PCDHGA2: variants seen among roughly 807,000 people sequenced by gnomAD.
PCDHGA2 encodes protocadherin gamma subfamily A, 2.
A neutral mutation model predicts 59.2 loss-of-function variants in PCDHGA2; 40 were observed. That is an observed-to-expected ratio of 0.68 (90% CI 0.52 to 0.88). The LOEUF (loss-of-function observed/expected upper bound fraction) is 0.88. Ranked by LOEUF, PCDHGA2 falls within the 40% of genes least tolerant of loss-of-function variation. The pLI is 0.00. For synonymous variants in PCDHGA2, 560 were observed against 526.0 expected, an observed-to-expected ratio of 1.06 and a Z score of -0.89; for missense variants, 1,226 against 1,204.0, an observed-to-expected ratio of 1.02 and a Z score of -0.27.
chr5:141,352,712 G>C, intron 1 of PCDHGA2: 9 of 1,540,860 alleles, frequency 5.8e-6, no homozygotes, highest in Non-Finnish European at 7.9e-6. Context: ...TATGGCGGCC[G>C]GGCGCGGTGG....
chr5:141,370,464 T>C (rs1766931580), intron 1 of PCDHGA2: 1 of 1,613,018 alleles, frequency 6.2e-7, no homozygotes, highest in Middle Eastern at 1.7e-4. Context: ...CCTGCTCTCT[T>C]TGTTAGACCA....
intron 1 of PCDHGA2, chr5:141,350,081 A>C: frequency 2.3e-6 from 1 of 438,380 alleles, no homozygotes; most frequent in Non-Finnish European, 3.9e-6. Context: ...TCAATTCTGC[A>C]GGAGCGTCAG....
In PCDHGA2 at chr5:141,357,512, C is replaced by T. The variant is rs1211736119; in HGVS notation, c.2424+16117C>T. 1.9e-6 allele frequency: 3 copies of T among 1,614,258 alleles called. No individual in the cohort carries two copies. Among genetic ancestry groups the T allele is most frequent in the Non-Finnish European group, 2.5e-6 (3 of 1,180,052 alleles). ...TCGCGGAAGAGTCACCTGATCTTCTCCCAACCCAGCTATGCAGACACGCTC... is the reference window on the plus strand; with the variant it reads ...TCGCGGAAGAGTCACCTGATCTTCTTCCAACCCAGCTATGCAGACACGCTC... On this transcript the variant is annotated intron_variant, in intron 1 of 3. Transcript: ENST00000394576.
At position 141,424,135 on chromosome 5, in the gene PCDHGA2, G is replaced by A. The variant is rs572224199; in HGVS notation, c.2425-70672G>A. 1.1e-4 allele frequency: 47 copies of A among 431,606 alleles called. No individual in the cohort carries two copies. The South Asian group carries it at 4.6e-3, about 43-fold the overall frequency. The allele number at this position is 431,606 out of a possible 1,614,324, so 26.7% of individuals were successfully genotyped here. On this transcript the variant is annotated intron_variant, in intron 1 of 3. Coordinates refer to ENST00000394576, the MANE Select transcript of PCDHGA2 (RefSeq NM_018915.4). The stretch of plus-strand genomic sequence containing the variant: ...AAATTTTGATCCTGTTGATTTAATA[G>A]CATGCTCCCTCTAGCTCTCCTTCTC...
chr5:141,394,211 G>A, intron 1 of PCDHGA2: 1 of 1,613,888 alleles, frequency 6.2e-7, no homozygotes, highest in Non-Finnish European at 8.5e-7. Flanking sequence ...AGAACAACCT[G>A]AGAGGAGCCT....
chr5:141,340,982 A>C lies in PCDHGA2; in HGVS notation c.2011A>C (p.Ile671Leu), dbSNP rs147498000. Reference sequence around the variant, plus strand: ...GGCCGTGGCCGACAGGATCCCCGACATCCTGGCCGACCTGGGCAGCCTCGA... The same window carrying C: ...GGCCGTGGCCGACAGGATCCCCGACCTCCTGGCCGACCTGGGCAGCCTCGA... ...TVAVADRIPD[I>L]LADLGSLEPS... The change falls in exon 1 of 4, where the codon ATC becomes CTC. Residue 671 changes from isoleucine (I) to leucine (L), a missense_variant. By Grantham distance (5) the Ile-to-Leu change is conservative. Transcript: ENST00000394576. The C allele has an allele frequency of 1.1e-5, 17 of 1,613,592 alleles. No homozygotes were observed. In the African/African-American group the frequency reaches 2.1e-4, roughly 20 times the overall value.
intron 1 of PCDHGA2, chr5:141,375,345 C>T (rs749825552): frequency 5.0e-6 from 8 of 1,613,858 alleles, no homozygotes; most frequent in South Asian, 4.4e-5. Flanking sequence ...TACAACATCA[C>T]TGTGACAGCC....
chr5:141,357,136 G>T (rs779756612), intron 1 of PCDHGA2: 1 of 1,613,540 alleles, frequency 6.2e-7, no homozygotes, highest in Non-Finnish European at 8.5e-7. Flanking sequence ...TGTAGTGGTC[G>T]TCCAGGACCA....
chr5:141,487,348 C>T lies in PCDHGA2; in HGVS notation c.2425-7459C>T, dbSNP rs929693998. ...GTGGGGCAGCCTGTGGAGTCACATG[C>T]TTTCCTGCTGGCACCTGTGCCTGTC... On this transcript the variant is annotated intron_variant, in intron 1 of 3. Coordinates refer to ENST00000394576, the MANE Select transcript of PCDHGA2 (RefSeq NM_018915.4). The surrounding 1 kb of genome is among the most constrained non-coding windows in gnomAD (Gnocchi z 5.0). The T allele has an allele frequency of 2.5e-6, 4 of 1,614,080 alleles. No homozygotes were observed. The highest frequency in any genetic ancestry group is 2.2e-5 in the East Asian group (1 of 44,882).
At chr5:141,350,127 C>A in intron 1 of PCDHGA2, 1 of 689,194 alleles carries the variant, frequency 1.5e-6, no homozygotes, top group Non-Finnish European at 2.2e-6. Flanking sequence ...GTGCACTGAG[C>A]ACAGACGCTG....
intron 1 of PCDHGA2, chr5:141,408,083 C>A: frequency 7.1e-7 from 1 of 1,414,576 alleles, no homozygotes; most frequent in Non-Finnish European, 9.3e-7. Flanking sequence ...CCCAGCACAG[C>A]GGATTGCCAG....
chr5:141,355,560 G>C, intron 1 of PCDHGA2: 1 of 1,614,024 alleles, frequency 6.2e-7, no homozygotes, highest in Non-Finnish European at 8.5e-7. Flanking sequence ...TGCGGGTAGA[G>C]GTGGAAATAA....
intron 1 of PCDHGA2, chr5:141,383,000 C>T (rs1330577304): frequency 6.2e-7 from 1 of 1,613,646 alleles, no homozygotes; most frequent in Non-Finnish European, 8.5e-7. Context: ...ATTCTCTACT[C>T]CGTGTCGGAG....
chr5:141,350,861 C>T (rs1758574033), intron 1 of PCDHGA2: 1 of 1,614,074 alleles, frequency 6.2e-7, no homozygotes, highest in Non-Finnish European at 8.5e-7. Flanking sequence ...AGACAGGGAA[C>T]ATCAGAGCTC....
rs765047622 is a variant in PCDHGA2 at position 141,486,776 on chromosome 5, G to A, written c.2425-8031G>A. On this transcript the variant is annotated intron_variant, in intron 1 of 3. Coordinates refer to ENST00000394576, the MANE Select transcript of PCDHGA2 (RefSeq NM_018915.4). This position sits in a 1 kb window ranked among gnomAD's most constrained non-coding sequence, Gnocchi z 5.0. ...GCAAACCCAGACACTGCAGTTTGAGGTGCAGGCCCGGGATCGGGGCAACCC... is the reference window on the plus strand; with the variant it reads ...GCAAACCCAGACACTGCAGTTTGAGATGCAGGCCCGGGATCGGGGCAACCC... 1.2e-6 allele frequency: 2 copies of A among 1,614,254 alleles called. No individual in the cohort carries two copies. Among genetic ancestry groups the A allele is most frequent in the Non-Finnish European group, 1.7e-6 (2 of 1,180,050 alleles).
chr5:141,404,372 G>A (rs747130914), intron 1 of PCDHGA2: 7 of 1,613,844 alleles, frequency 4.3e-6, no homozygotes, highest in South Asian at 1.1e-5. Context: ...CATCTTCTCC[G>A]TGATTGCCTA....
At position 141,375,271 on chromosome 5, in the gene PCDHGA2, A is replaced by C. The variant is rs748119820; in HGVS notation, c.2424+33876A>C. 1.5e-5 allele frequency: 24 copies of C among 1,613,884 alleles called. No homozygotes were observed. The East Asian group carries it at 4.5e-4, about 30-fold the overall frequency. On this transcript the variant is annotated intron_variant, in intron 1 of 3. Coordinates refer to ENST00000394576, the MANE Select transcript of PCDHGA2 (RefSeq NM_018915.4). ...GAAGTCTCCCATTTGAATTGGAAAAATCAGTTGGCAATTATTATCGATTAG... is the reference window on the plus strand; with the variant it reads ...GAAGTCTCCCATTTGAATTGGAAAACTCAGTTGGCAATTATTATCGATTAG...
chr5:141,345,687 G>C (rs2879227), intron 1 of PCDHGA2: 1 of 1,614,154 alleles, frequency 6.2e-7, no homozygotes, highest in Non-Finnish European at 8.5e-7. Context: ...GAACCTGTTC[G>C]TGCTGGACCA....
intron 1 of PCDHGA2, chr5:141,407,909 G>T: frequency 4.7e-6 from 2 of 425,700 alleles, no homozygotes; most frequent in Non-Finnish European, 8.3e-6. Context: ...TGAAAAACCG[G>T]GCTGCTGTCC....
Sources: allele counts gnomAD v4.1 joint callset, GRCh38; gene constraint gnomAD v4.1.1; non-coding constraint Gnocchi (gnomAD v3.1); transcripts MANE v1.5; gene names NCBI Gene and HGNC (gene_info 2026-07-23, HGNC 2026-07-21).